OTOGL: variants seen among roughly 807,000 people sequenced by gnomAD.
OTOGL encodes the protein otogelin like, also known as otogelin-like protein.
Under a neutral mutation model 318.5 loss-of-function variants are expected in OTOGL, and 285 were observed. That is an observed-to-expected ratio of 0.89 (90% CI 0.81 to 0.99). The LOEUF (loss-of-function observed/expected upper bound fraction) is 0.99. Ranked by LOEUF, OTOGL falls within the 50% of genes least tolerant of loss-of-function variation. The pLI is 0.00. For missense variants in OTOGL, 2,899 were observed against 2,845.6 expected (o/e 1.02, Z -0.43); for synonymous variants, 987 against 936.5 (o/e 1.05, Z -0.99).
At chr12:80,206,853 A>C (rs1024604334) in intron 1 of OTOGL, among the ~76,000 whole-genome samples, 1 of 152,166 alleles carries the variant, frequency 6.6e-6, no homozygotes, top group Non-Finnish European at 1.5e-5. Flanking sequence ...AAATACATAT[A>C]GTTCAAAATA....
At chr12:80,118,698 G>A (rs1870310821) in intron 1 of OTOGL, among the ~76,000 whole-genome samples, 1 of 152,110 alleles carries the variant, frequency 6.6e-6, no homozygotes. Flanking sequence ...GGAGAAAAAT[G>A]ACTCTTATTG....
intron 52 of OTOGL, among the ~76,000 whole-genome samples, chr12:80,363,154 T>A (rs1890334146): frequency 6.6e-6 from 1 of 152,182 alleles, no homozygotes; most frequent in Non-Finnish European, 1.5e-5. Context: ...AATTCAGATT[T>A]TATTTATTCA....
chr12:80,225,578 G>T (rs190513958), intron 7 of OTOGL, among the ~76,000 whole-genome samples: 1 of 152,156 alleles, frequency 6.6e-6, no homozygotes, highest in African/African-American at 2.4e-5. Flanking sequence ...GTTACCATTG[G>T]TTAACAGCTT....
At chr12:80,291,218 G>A (rs138488296) in intron 26 of OTOGL, among the ~76,000 whole-genome samples, 242 of 152,208 alleles carry the variant, frequency 1.6e-3, no homozygotes, top group African/African-American at 5.2e-3. Flanking sequence ...AATAAAAGAC[G>A]TACCATAGTT....
At chr12:80,253,258 T>A (rs2137507391) in intron 13 of OTOGL, among the ~76,000 whole-genome samples, 1 of 152,232 alleles carries the variant, frequency 6.6e-6, no homozygotes, top group East Asian at 1.9e-4. Flanking sequence ...AGTCATGGGA[T>A]AAGAAAATTG....
Position 80,251,718 on chromosome 12 carries a change from C to G in OTOGL, c.1078C>G (p.Arg360Gly). Residue 360 changes from arginine to glycine, a missense_variant, in exon 12 of 59, where the codon CGA (arginine) becomes GGA (glycine). This residue lies in a region of OTOGL where 2,607 missense variants were observed against 2,524.9 expected (regional missense o/e 1.03). Transcript: ENST00000547103. ...CKTDDDETYC[R>G]AATEYARACS... ...AACTGATGATGATGAAACCTATTGCCGAGCAGCCACTGAGTATGCTAGAGC... is the reference window on the plus strand; with the variant it reads ...AACTGATGATGATGAAACCTATTGCGGAGCAGCCACTGAGTATGCTAGAGC... 1 of 1,591,652 alleles carries G rather than the reference C, an allele frequency of 6.3e-7. No homozygotes were observed. The highest frequency in any genetic ancestry group is 8.6e-7 in the Non-Finnish European group (1 of 1,168,132).
chr12:80,274,997 G>T (rs1321230099), intron 24 of OTOGL, among the ~76,000 whole-genome samples: 1 of 151,952 alleles, frequency 6.6e-6, no homozygotes. Flanking sequence ...AGGAGTTCCA[G>T]TGGAGATGCA....
intron 26 of OTOGL, among the ~76,000 whole-genome samples, chr12:80,295,757 T>C (rs138504549): frequency 6.6e-6 from 1 of 152,314 alleles, no homozygotes; most frequent in African/African-American, 2.4e-5. Context: ...AGAAAAATGG[T>C]AAGTATATGA....
chr12:80,251,578 A>G, intron 11 of OTOGL, 115 bp from the exon 12 acceptor site: 1 of 697,300 alleles, frequency 1.4e-6, no homozygotes, highest in Non-Finnish European at 2.4e-6. Context: ...TGCTGACATC[A>G]ATTAACATCG....
In OTOGL at chr12:80,328,759, T is replaced by A. The variant is rs1469467444; in HGVS notation, c.4279+15T>A. ...TCCACGAGACTGTAAGTGTGAACGT[T>A]GCTTAATTTACTCTGAAAAATTATA... On this transcript the variant is annotated intron_variant, in intron 36 of 58. Transcript: ENST00000547103. The A allele has an allele frequency of 6.4e-7, 1 of 1,567,638 alleles. No homozygotes were observed. The highest frequency in any genetic ancestry group is 1.4e-5 in the African/African-American group (1 of 73,712).
At chr12:80,324,549 T>C (rs1887556769) in intron 35 of OTOGL, among the ~76,000 whole-genome samples, 1 of 152,222 alleles carries the variant, frequency 6.6e-6, no homozygotes. Context: ...GGCTGCATTT[T>C]AGGCAGCTGA....
chr12:80,159,214 T>C (rs1204869801), intron 1 of OTOGL, among the ~76,000 whole-genome samples: 3 of 152,154 alleles, frequency 2.0e-5, no homozygotes, highest in Admixed American at 6.6e-5. Context: ...CTTTTTGATA[T>C]GCTGTTGGAT....
At chr12:80,320,776 A>T in intron 34 of OTOGL, 76 bp downstream of exon 34, 1 of 1,385,138 alleles carries the variant, frequency 7.2e-7, no homozygotes. Context: ...TCTTTAATTT[A>T]AAAACCATTC....
Position 80,271,824 on chromosome 12 carries a change from T to A in OTOGL, c.2681+14T>A, listed in dbSNP as rs1883434615. ...TTGTGCTCCAGGGTAAGCCTCTTCT[T>A]CATAATACAGAACATTCAGGATTTG... On this transcript the variant is annotated intron_variant, in intron 24 of 58. Transcript: ENST00000547103. The A allele has an allele frequency of 3.7e-6, 6 of 1,604,858 alleles. No individual in the cohort carries two copies. The highest frequency in any genetic ancestry group is 5.1e-6 in the Non-Finnish European group (6 of 1,174,422).
intron 37 of OTOGL, among the ~76,000 whole-genome samples, chr12:80,330,111 G>A (rs1887977678): frequency 6.6e-6 from 1 of 152,188 alleles, no homozygotes; most frequent in African/African-American, 2.4e-5. Flanking sequence ...TATCTTGAAT[G>A]TGCAGTTTGA....
rs368310499 is a variant in OTOGL, at chr12:80,370,598, C to T, written c.6644C>T (p.Thr2215Ile). Residue 2215 changes from threonine to isoleucine, a missense_variant, in exon 56 of 59, where the codon ACC becomes ATC. Transcript: ENST00000547103. ...AVGSTWHYNC[T>I]TYECVKTDEG... Reference sequence around the variant, plus strand: ...GGGAGTACCTGGCACTACAATTGCACCACATATGAATGTGTTAAAACTGAT... The same window carrying T: ...GGGAGTACCTGGCACTACAATTGCATCACATATGAATGTGTTAAAACTGAT... The T allele has an allele frequency of 2.0e-5, 32 of 1,562,660 alleles. No individual in the cohort carries two copies. Among genetic ancestry groups the T allele is most frequent in the Non-Finnish European group, 2.8e-5 (32 of 1,154,510 alleles).
rs1366816899 is a variant in OTOGL, at chr12:80,127,122, G to A, written c.-20+27517G>A. On this transcript the variant is annotated intron_variant, in intron 1 of 58. Transcript: ENST00000547103. ...GTTATTTTGCACGTTAGTTGATGCA[G>A]TTTCTTCCTAGCCTTGATGGTCTTT... Among the ~76,000 whole-genome samples the A allele has an allele frequency of 2.6e-5, 4 of 152,332 alleles. No homozygotes were observed. In the East Asian group the frequency reaches 7.7e-4, roughly 29 times the overall value.
chr12:80,296,677 T>G (rs1885419899), intron 26 of OTOGL, 150 bp from the exon 27 acceptor site: 2 of 504,678 alleles, frequency 4.0e-6, no homozygotes, highest in Non-Finnish European at 6.1e-6. Flanking sequence ...CTTCACATTG[T>G]TAGTTAAAAA....
chr12:80,110,641 C>A (rs1869781105), intron 1 of OTOGL, among the ~76,000 whole-genome samples: 1 of 152,158 alleles, frequency 6.6e-6, no homozygotes, highest in African/African-American at 2.4e-5. Flanking sequence ...TTTTCTTTAT[C>A]CAGTCTATCA....
Sources: gnomAD v4.1 joint callset for allele counts (sites outside exome capture counted in the v4.1 genomes callset) on GRCh38, gnomAD v4.1.1 for gene constraint, gnomAD v4.1.1 regional missense constraint, MANE v1.5 for transcripts, NCBI Gene and HGNC (gene_info 2026-07-23, HGNC 2026-07-21) for gene names.